The following MALRD1 variants were observed in gnomAD, a reference collection of about 807,000 sequenced individuals.
MALRD1 encodes MAM and LDL receptor class A domain containing 1, also known as MAM and LDL-receptor class A domain-containing protein 1.
MALRD1 carries 247 observed loss-of-function variants against 242.1 expected under a neutral mutation model. That is an observed-to-expected ratio of 1.02 (90% CI 0.92 to 1.13). The LOEUF is 1.13. Ranked by LOEUF, MALRD1 falls within the 50% of genes most tolerant of loss-of-function variation. The pLI, the probability that MALRD1 is intolerant of heterozygous loss-of-function variation, is 0.00. For missense variants in MALRD1, 2,989 were observed against 2,533.1 expected, an observed-to-expected ratio of 1.18 and a Z score of -3.86; for synonymous variants, 995 against 866.6, an observed-to-expected ratio of 1.15 and a Z score of -2.60.
Position 19,049,003 on chromosome 10 carries a change from T to C in MALRD1, c.65T>C (p.Ile22Thr), listed in dbSNP as rs1834408718. The C allele has an allele frequency of 8.1e-7, 1 of 1,233,816 alleles. No individual in the cohort carries two copies. The highest frequency in any genetic ancestry group is 4.2e-5 in the Admixed American group (1 of 23,716). The allele number at this position is 1,233,816 out of a possible 1,614,324, so 76.4% of individuals were successfully genotyped here. A position where few individuals can be genotyped will look rare whatever the true frequency, so the allele number is the denominator to read the frequency against. ...PMNETFCCLW[I>T]ACVFNSTLAQ... ...AATGAAACTTTTTGTTGCCTTTGGA[T>C]TGCCTGTGTTTTCAATTCTACACTG... is the stretch of plus-strand genomic sequence containing the variant. The change falls in exon 1 of 40, where the codon ATT becomes ACT. Residue 22 changes from isoleucine (I) to threonine (T), a missense_variant. Ile to Thr is a moderately conservative substitution (Grantham distance 89). Coordinates refer to ENST00000454679, the MANE Select transcript of MALRD1 (RefSeq NM_001142308.3).
chr10:19,692,246 C>T (rs1257721244), intron 36 of MALRD1, 36 bp from the exon 37 acceptor site: 12 of 1,469,228 alleles, frequency 8.2e-6, no homozygotes, highest in Non-Finnish European at 1.1e-5. Context: ...TTTCACTTTT[C>T]TTTTTTCCAA....
At chr10:19,530,387 TA>T (rs1834320294) in intron 31 of MALRD1, among the ~76,000 whole-genome samples, 1 of 76,856 alleles carries the variant, frequency 1.3e-5, no homozygotes, top group South Asian at 4.0e-4. Flanking sequence ...AAATATTATA[TA>T]TTTATATAAA....
At chr10:19,109,143 G>T (rs1382661774) in intron 5 of MALRD1, among the ~76,000 whole-genome samples, 1 of 152,166 alleles carries the variant, frequency 6.6e-6, no homozygotes, top group Non-Finnish European at 1.5e-5. Flanking sequence ...AATACCTGAA[G>T]GTGTCTCATT....
chr10:19,423,665 C>T (rs1164916857), intron 28 of MALRD1, among the ~76,000 whole-genome samples: 1 of 152,086 alleles, frequency 6.6e-6, no homozygotes, highest in Non-Finnish European at 1.5e-5. Context: ...ACCCATTCAG[C>T]TTCCAGGAAT....
chr10:19,145,137 G>T (rs1833684570), intron 10 of MALRD1, among the ~76,000 whole-genome samples: 1 of 152,132 alleles, frequency 6.6e-6, no homozygotes, highest in Non-Finnish European at 1.5e-5. Flanking sequence ...ACATAATAAT[G>T]AATTTCTCGA....
At chr10:19,584,350 T>C (rs900430791) in intron 33 of MALRD1, among the ~76,000 whole-genome samples, 3 of 152,194 alleles carry the variant, frequency 2.0e-5, no homozygotes, top group Non-Finnish European at 4.4e-5. Context: ...CTGCTTTCTC[T>C]TGTGGGCATT....
chr10:19,574,920 C>G (rs1836734349), intron 33 of MALRD1, among the ~76,000 whole-genome samples: 1 of 152,188 alleles, frequency 6.6e-6, no homozygotes, highest in African/African-American at 2.4e-5. Flanking sequence ...CTTCTCACTA[C>G]TGGGCGTGTC....
intron 26 of MALRD1, among the ~76,000 whole-genome samples, chr10:19,378,043 A>T (rs1225364100): frequency 6.6e-6 from 1 of 152,072 alleles, no homozygotes; most frequent in Non-Finnish European, 1.5e-5. Flanking sequence ...ATTAATTGAC[A>T]TTTTTCTGTC....
intron 32 of MALRD1, 82 bp downstream of exon 32, chr10:19,531,433 T>G (rs1033865464): frequency 1.0e-5 from 14 of 1,349,502 alleles, no homozygotes; most frequent in Non-Finnish European, 1.4e-5. Flanking sequence ...CTTATTTGTA[T>G]TTTTGTTGGT....
chr10:19,088,230 G>A (rs1333426644), intron 4 of MALRD1, 45 bp downstream of exon 4: 1 of 1,226,832 alleles, frequency 8.2e-7, no homozygotes, highest in South Asian at 4.1e-5. Context: ...AGAAAAATAA[G>A]ATACAGATCT....
chr10:19,412,319 A>G (rs559654435), intron 28 of MALRD1, among the ~76,000 whole-genome samples: 2 of 152,314 alleles, frequency 1.3e-5, no homozygotes, highest in East Asian at 1.9e-4. Context: ...TTATAATATT[A>G]TGTACTCTCT....
chr10:19,106,117 G>T (rs1438826888), intron 5 of MALRD1, among the ~76,000 whole-genome samples: 1 of 151,798 alleles, frequency 6.6e-6, no homozygotes, highest in Non-Finnish European at 1.5e-5. Context: ...TTTGTTACAT[G>T]CATAGAATGT....
At chr10:19,305,780 T>C (rs1218889864) in intron 21 of MALRD1, among the ~76,000 whole-genome samples, 1 of 142,742 alleles carries the variant, frequency 7.0e-6, no homozygotes, top group Non-Finnish European at 1.5e-5. Flanking sequence ...CACTATACTA[T>C]ATATTATATA....
Position 19,453,229 on chromosome 10 carries a change from A to G in MALRD1, c.5029+2739A>G, listed in dbSNP as rs538178994. 4.6e-5 allele frequency among the ~76,000 whole-genome samples: 7 copies of G among 152,208 alleles called. No homozygotes were observed. The East Asian group carries it at 1.4e-3, about 29-fold the overall frequency. ...GTGAAATAACTTAAAAAATGACTGA[A>G]TGTTTATTTCTGTCACATTTTACTG... On this transcript the variant is annotated intron_variant, in intron 29 of 39. Coordinates refer to ENST00000454679, the MANE Select transcript of MALRD1 (RefSeq NM_001142308.3).
intron 29 of MALRD1, among the ~76,000 whole-genome samples, chr10:19,467,777 T>A (rs1038004532): frequency 7.3e-6 from 1 of 136,942 alleles, no homozygotes; most frequent in African/African-American, 2.7e-5. Flanking sequence ...TACATACTTT[T>A]TAAATTTTTT....
intron 33 of MALRD1, among the ~76,000 whole-genome samples, chr10:19,586,834 G>A (rs576833023): frequency 6.1e-4 from 93 of 152,298 alleles, no homozygotes; most frequent in Non-Finnish European, 8.5e-4. Flanking sequence ...CCTCGCTGCC[G>A]CCTTGCAGTT....
At chr10:19,442,095 A>T (rs547900011) in intron 28 of MALRD1, among the ~76,000 whole-genome samples, 4 of 152,280 alleles carry the variant, frequency 2.6e-5, no homozygotes, top group East Asian at 1.9e-4. Context: ...CTTTGAAGCA[A>T]TTGTGAATGG....
intron 33 of MALRD1, among the ~76,000 whole-genome samples, chr10:19,577,095 T>C (rs1016523660): frequency 1.3e-5 from 2 of 151,706 alleles, no homozygotes; most frequent in African/African-American, 4.8e-5. Context: ...AATATAACAA[T>C]TGTAGATAAA....
In MALRD1 at chr10:19,582,576, A is replaced by G. The variant is rs1383651249; in HGVS notation, c.5681-12618A>G. Among the ~76,000 whole-genome samples the G allele has an allele frequency of 2.6e-4, 36 of 137,432 alleles. No individual in the cohort carries two copies. The South Asian group carries it at 6.9e-3, about 26-fold the overall frequency. 90.2% of individuals were successfully genotyped at this position (137,432 alleles called of 152,430 possible). On this transcript the variant is annotated intron_variant, in intron 33 of 39. Transcript: ENST00000454679. ...CTGAGGGCTCTGTTCTGTTCCATTG[A>G]TCTATATCTCTGTTTTGGTACCAGT...
Sources: allele counts gnomAD v4.1 joint callset (sites outside exome capture counted in the v4.1 genomes callset), GRCh38; gene constraint gnomAD v4.1.1; transcripts MANE v1.5; gene names NCBI Gene and HGNC (gene_info 2026-07-23, HGNC 2026-07-21).